Variants in VRK2 observed in about 807,000 individuals in gnomAD.
The protein encoded by VRK2 is serine/threonine-protein kinase VRK2.
VRK2 carries 60 observed loss-of-function variants against 57.6 expected under a neutral mutation model. The observed-to-expected ratio is 1.04, with a 90% CI of 0.85 to 1.29. The LOEUF (loss-of-function observed/expected upper bound fraction) is 1.29, where lower values mean the gene tolerates loss of function less well. Ranked by LOEUF, VRK2 falls within the 50% of genes most tolerant of loss-of-function variation. The pLI is 0.00. For synonymous variants in VRK2, 231 were observed against 199.2 expected (o/e 1.16, Z -1.35); for missense variants, 705 against 588.1 (o/e 1.20, Z -2.06).
chr2:58,044,907 G>A (rs58854449), upstream of VRK2, among the ~76,000 whole-genome samples: 2,921 of 152,232 alleles, frequency 0.019, 107 homozygotes, highest in African/African-American at 0.068. Context: ...ACTTGTGTGG[G>A]AGGGAGTGCT....
intron 1 of VRK2, among the ~76,000 whole-genome samples, chr2:57,969,967 C>T (rs1672042598): frequency 6.6e-6 from 1 of 151,846 alleles, no homozygotes; most frequent in African/African-American, 2.4e-5. Context: ...GTTTCCCCCC[C>T]GTAACCTATT....
intron 12 of VRK2, 106 bp from the exon 13 acceptor site, chr2:58,159,243 T>C: frequency 2.4e-6 from 2 of 849,700 alleles, no homozygotes. Context: ...ACGCAAAAAC[T>C]TGATCTTGTA....
At chr2:57,954,489 T>C (rs1017038863) in intron 1 of VRK2, among the ~76,000 whole-genome samples, 3 of 152,130 alleles carry the variant, frequency 2.0e-5, no homozygotes, top group Non-Finnish European at 1.5e-5. Context: ...TAATGTTTTC[T>C]TTTTTCCATT....
chr2:57,919,472 T>C (rs546616738), intron 1 of VRK2, among the ~76,000 whole-genome samples: 11 of 152,204 alleles, frequency 7.2e-5, no homozygotes, highest in Non-Finnish European at 1.0e-4. Context: ...CTTTTTCAAA[T>C]TGGAGAATAC....
At chr2:57,972,406 C>A (rs925118180) in intron 1 of VRK2, among the ~76,000 whole-genome samples, 17 of 151,808 alleles carry the variant, frequency 1.1e-4, no homozygotes, top group Admixed American at 1.1e-3. Context: ...TTTGCTTTAT[C>A]TTACTATACA....
chr2:58,072,156 C>T (rs765760013), intron 2 of VRK2, among the ~76,000 whole-genome samples: 4 of 151,884 alleles, frequency 2.6e-5, no homozygotes, highest in Non-Finnish European at 5.9e-5. Context: ...TGTATTAAGT[C>T]CAGGAGTTTT....
Position 58,058,378 on chromosome 2 carries a change from A to G in VRK2, c.136+9411A>G, listed in dbSNP as rs781401763. ...GACACTGGCCATTTTTCTCTCTCCA[A>G]TGCTTAGTGTGGAGTAAAGGCAGCT... On this transcript the variant is annotated intron_variant, in intron 2 of 12. Transcript: ENST00000340157. 6.4e-5 allele frequency: 30 copies of G among 470,586 alleles called. 2 individuals are homozygous for G. Among genetic ancestry groups the G allele is most frequent in the South Asian group, 2.5e-4 (16 of 64,506 alleles). 29.2% of individuals were successfully genotyped at this position (470,586 alleles called of 1,614,324 possible).
intron 1 of VRK2, among the ~76,000 whole-genome samples, chr2:57,999,687 A>T (rs1673031206): frequency 1.3e-5 from 2 of 152,208 alleles, no homozygotes; most frequent in Non-Finnish European, 2.9e-5. Flanking sequence ...TGTAGCAAGC[A>T]TATGTAGAAA....
In VRK2 at chr2:58,047,441, G is replaced by T. The variant is rs1313844606; in HGVS notation, c.-6+573G>T. ...CCCTGAGAGGCTGTCGTTTCCCTTG[G>T]CAGATGAACTCGGGACTCGCCCCCA... On this transcript the variant is annotated intron_variant, in intron 1 of 12. Transcript: ENST00000340157. 6 of 985,294 alleles carry T rather than the reference G, an allele frequency of 6.1e-6. No individual in the cohort carries two copies. In the African/African-American group the frequency reaches 1.0e-4, roughly 17 times the overall value. 61.0% of individuals were successfully genotyped at this position (985,294 alleles called of 1,614,324 possible).
chr2:58,109,100 C>T (rs1178716842), intron 7 of VRK2, among the ~76,000 whole-genome samples: 1 of 151,898 alleles, frequency 6.6e-6, no homozygotes, highest in East Asian at 1.9e-4. Context: ...ACTCAGGTAT[C>T]TGTTAAGCTT....
intron 1 of VRK2, among the ~76,000 whole-genome samples, chr2:57,945,216 C>T (rs749395882): frequency 3.3e-5 from 5 of 152,144 alleles, no homozygotes; most frequent in East Asian, 1.9e-4. Flanking sequence ...ATTAAGTTGG[C>T]TATAATTTAT....
chr2:58,133,527 C>T (rs1679520798), intron 9 of VRK2, among the ~76,000 whole-genome samples: 1 of 152,132 alleles, frequency 6.6e-6, no homozygotes, highest in Non-Finnish European at 1.5e-5. Flanking sequence ...GTATATTCAG[C>T]CAAGACACTG....
chr2:58,055,950 T>C (rs1333545437), intron 2 of VRK2, among the ~76,000 whole-genome samples: 2 of 152,194 alleles, frequency 1.3e-5, no homozygotes, highest in East Asian at 1.9e-4. Flanking sequence ...GACAAAACTT[T>C]CTATTTTTAC....
chr2:57,983,828 A>C (rs1672507739), intron 1 of VRK2, among the ~76,000 whole-genome samples: 1 of 152,258 alleles, frequency 6.6e-6, no homozygotes, highest in Non-Finnish European at 1.5e-5. Flanking sequence ...AAAGTCAGTT[A>C]GAAAATAGTT....
intron 2 of VRK2, among the ~76,000 whole-genome samples, chr2:58,029,933 G>A (rs922729110): frequency 2.0e-5 from 3 of 152,086 alleles, no homozygotes; most frequent in African/African-American, 7.2e-5. Flanking sequence ...GAATTTGTCT[G>A]GTCCAGTCTA....
intron 9 of VRK2, among the ~76,000 whole-genome samples, chr2:58,134,811 T>C (rs892768452): frequency 6.6e-6 from 1 of 152,166 alleles, no homozygotes; most frequent in Non-Finnish European, 1.5e-5. Flanking sequence ...TATAAAACTT[T>C]AATTAAATAA....
In VRK2 at chr2:57,978,949, AGTTTCATC is replaced by A. The variant is rs562030629; in HGVS notation, c.-438-46715_-438-46708del. Among the ~76,000 whole-genome samples, 117 of 151,038 alleles carry A rather than the reference AGTTTCATC, an allele frequency of 7.7e-4. 9 individuals carry two copies. Among genetic ancestry groups the A allele is most frequent in the African/African-American group, 2.8e-3 (115 of 40,408 alleles). On this transcript the variant is annotated intron_variant, in intron 1 of 15. Transcript: ENST00000417641. ...TAGTTTGGTGAAGATGATGGCTTCC[AGTTTCATC>A]TATGTCCCTGCAAAGGATATGATCT...
chr2:58,004,434 G>A (rs538888876), intron 1 of VRK2, among the ~76,000 whole-genome samples: 63 of 152,180 alleles, frequency 4.1e-4, no homozygotes, highest in Non-Finnish European at 7.9e-4. Flanking sequence ...TATTAGAATG[G>A]CAATTGACTG....
intron 12 of VRK2, among the ~76,000 whole-genome samples, chr2:58,148,203 C>T (rs1444554418): frequency 6.6e-6 from 1 of 151,862 alleles, no homozygotes; most frequent in African/African-American, 2.4e-5. Flanking sequence ...GGTATTGTCA[C>T]TCTTTTTAAT....
Sources: gnomAD v4.1 joint callset for allele counts (sites outside exome capture counted in the v4.1 genomes callset) on GRCh38, gnomAD v4.1.1 for gene constraint, MANE v1.5 for transcripts, NCBI Gene and HGNC (gene_info 2026-07-23, HGNC 2026-07-21) for gene names.